The following HID1 variants were observed in gnomAD, a reference collection of about 807,000 sequenced individuals.
HID1 encodes the protein protein HID1.
A neutral mutation model predicts 89.7 loss-of-function variants in HID1; 42 were observed. The ratio of observed to expected loss-of-function variants is 0.47; its 90% CI spans 0.37 to 0.61. The LOEUF is 0.61. HID1 is among the 20% of genes least tolerant of loss of function. The pLI is 0.00. For synonymous variants in HID1, 442 were observed against 433.8 expected, an observed-to-expected ratio of 1.02 and a Z score of -0.24; for missense variants, 854 against 1,039.3, an observed-to-expected ratio of 0.82 and a Z score of 2.45.
At position 74,962,248 on chromosome 17, in the gene HID1, G is replaced by A. The variant is rs773826630; in HGVS notation, c.597C>T (p.Ile199=). Residue 199 remains isoleucine (I), a synonymous_variant, in exon 5 of 19, where the codon ATC becomes ATT. Transcript: ENST00000425042. The surrounding 1 kb of genome is among the most constrained non-coding windows in gnomAD (Gnocchi z 4.3). ...GCGAAGCTCACCGGTTCATATCGTGGATGTAGTTAGGCTGGGGGGAGTGAG... is the reference window on the plus strand; with the variant it reads ...GCGAAGCTCACCGGTTCATATCGTGAATGTAGTTAGGCTGGGGGGAGTGAG... ...GFAHSPQPNY[I]HDMNRMELLK... The A allele has an allele frequency of 6.2e-7, 1 of 1,609,034 alleles. No homozygotes were observed. Among genetic ancestry groups the A allele is most frequent in the African/African-American group, 1.3e-5 (1 of 74,972 alleles).
chr17:74,968,232 C>T (rs533743343), intron 1 of HID1, among the ~76,000 whole-genome samples: 19 of 143,442 alleles, frequency 1.3e-4, no homozygotes, highest in Admixed American at 2.8e-4. Flanking sequence ...TGCGTTGTTC[C>T]TGCCTCCACA....
intron 13 of HID1, 185 bp from the exon 14 acceptor site, chr17:74,954,550 C>T (rs927153977): frequency 3.9e-5 from 39 of 1,002,844 alleles, no homozygotes; most frequent in Non-Finnish European, 5.5e-5. Context: ...TGTGTGCCCA[C>T]TATGGCTATC....
intron 14 of HID1, 140 bp downstream of exon 14, chr17:74,953,998 C>A (rs1292432283): frequency 1.2e-6 from 1 of 836,058 alleles, no homozygotes; most frequent in Non-Finnish European, 1.9e-6. Flanking sequence ...CTCCCCCCAT[C>A]CCTGTTGCCC....
chr17:74,953,565 C>T lies in HID1; in HGVS notation c.1951G>A (p.Asp651Asn), dbSNP rs1235179653. The stretch of plus-strand genomic sequence containing the variant: ...CCCACCCCCTTAGCCGGGCTGCCAT[C>T]CTCCAAGCTCTGCTGGGGCTCAGGT... ...LEPEPQQSLEDGSPAKGEPSQ... is the reference protein window; with the variant it reads ...LEPEPQQSLENGSPAKGEPSQ... The change falls in exon 15 of 19, where the codon GAT becomes AAT. Residue 651 changes from aspartate to asparagine, a missense_variant. Coordinates refer to ENST00000425042, the MANE Select transcript of HID1 (RefSeq NM_030630.3). The T allele has an allele frequency of 6.2e-7, 1 of 1,613,990 alleles. No homozygotes were observed. The highest frequency in any genetic ancestry group is 8.5e-7 in the Non-Finnish European group (1 of 1,179,938).
At chr17:74,971,791 TG>T (rs575062309) in intron 1 of HID1, among the ~76,000 whole-genome samples, 34 of 152,336 alleles carry the variant, frequency 2.2e-4, no homozygotes, top group African/African-American at 7.5e-4. Flanking sequence ...TTGGGCCACT[TG>T]TGGACTCACA....
chr17:74,969,991 A>T (rs2039622373), intron 1 of HID1, among the ~76,000 whole-genome samples: 2 of 137,374 alleles, frequency 1.5e-5, no homozygotes, highest in South Asian at 4.4e-4. Context: ...ATCTCAGCTC[A>T]CCGCAACCTC....
chr17:74,952,473 C>T, intron 16 of HID1, 113 bp from the exon 17 acceptor site: 3 of 710,044 alleles, frequency 4.2e-6, no homozygotes, highest in Non-Finnish European at 7.4e-6. Flanking sequence ...ACCCCTGCTC[C>T]TTGCAGCATG....
At position 74,964,526 on chromosome 17, in the gene HID1, A is replaced by G. The variant is rs772620394; in HGVS notation, c.173T>C (p.Val58Ala). Residue 58 changes from valine to alanine, a missense_variant, in exon 2 of 19, where the codon GTG (valine) becomes GCG (alanine). Coordinates refer to ENST00000425042, the MANE Select transcript of HID1 (RefSeq NM_030630.3). Reference sequence around the variant, plus strand: ...CAAGTTGGAGGGTGACTCTTCCCGCACGGCCCGGATCTCTGCTGCCGGCAC... The same window carrying G: ...CAAGTTGGAGGGTGACTCTTCCCGCGCGGCCCGGATCTCTGCTGCCGGCAC... ...ALVPAAEIRAVREESPSNLAT... is the reference protein window; with the variant it reads ...ALVPAAEIRAAREESPSNLAT... 6.2e-7 allele frequency: 1 copy of G among 1,610,088 alleles called. No individual in the cohort carries two copies. The highest frequency in any genetic ancestry group is 2.2e-5 in the East Asian group (1 of 44,792).
intron 1 of HID1, among the ~76,000 whole-genome samples, chr17:74,970,458 A>G (rs1353346505): frequency 6.6e-6 from 1 of 152,226 alleles, no homozygotes; most frequent in Non-Finnish European, 1.5e-5. Context: ...AGAGAATTCC[A>G]AACAGGCAGG....
intron 13 of HID1, chr17:74,954,772 C>T (rs1007026552): frequency 7.8e-6 from 2 of 254,974 alleles, no homozygotes; most frequent in Non-Finnish European, 1.5e-5. Context: ...ATCCGTCCAT[C>T]CCCCAACGCT....
Position 74,963,580 on chromosome 17 carries a change from G to T in HID1, c.387+160C>A, listed in dbSNP as rs2144819815. 10 of 672,826 alleles carry T rather than the reference G, an allele frequency of 1.5e-5. No homozygotes were observed. The South Asian group carries it at 1.9e-4, about 13-fold the overall frequency. 41.7% of individuals were successfully genotyped at this position (672,826 alleles called of 1,614,324 possible). A position where few individuals can be genotyped will look rare whatever the true frequency, so the allele number is the denominator to read the frequency against. On this transcript the variant is annotated intron_variant, in intron 3 of 18. Coordinates refer to ENST00000425042, the MANE Select transcript of HID1 (RefSeq NM_030630.3). ...ATGGGAGGGGAACTGAGGGCCCAAG[G>T]AGGTGGCATTGAACACCATCCCTCA...
At position 74,952,335 on chromosome 17, in the gene HID1, G is replaced by A. The variant is rs1331934260; in HGVS notation, c.2078C>T (p.Pro693Leu). The change falls in exon 17 of 19, where the codon CCG (proline) becomes CTG (leucine). Residue 693 changes from proline to leucine, a missense_variant. Coordinates refer to ENST00000425042, the MANE Select transcript of HID1 (RefSeq NM_030630.3). ...CAGCAGCCTCATGATGGTCTGCAGC[G>A]GCAGCTTCGACTTCCAGGAGAGGAC... ...EWVLSWKSKL[P>L]LQTIMRLLQV... 6.2e-7 allele frequency: 1 copy of A among 1,613,808 alleles called. No individual in the cohort carries two copies. The highest frequency in any genetic ancestry group is 1.7e-5 in the Admixed American group (1 of 60,010).
Position 74,952,376 on chromosome 17 carries a change from G to T in HID1, c.2053-16C>A. The T allele has an allele frequency of 6.2e-7, 1 of 1,608,686 alleles. No homozygotes were observed. The highest frequency in any genetic ancestry group is 8.5e-7 in the Non-Finnish European group (1 of 1,175,604). ...AGGAGAGGACCTGGCGAGGGACGGG[G>T]TTCCTGGGGCTGAGAAAGCAGCCCC... On this transcript the variant is annotated splice_polypyrimidine_tract_variant and intron_variant, in intron 16 of 18. Transcript: ENST00000425042.
intron 13 of HID1, among the ~76,000 whole-genome samples, chr17:74,955,503 A>G (rs868242174): frequency 1.5e-4 from 2 of 13,164 alleles, no homozygotes; most frequent in Non-Finnish European, 2.7e-3. Context: ...GCCGTCGGGA[A>G]AAAAAAAAAA....
At position 74,958,159 on chromosome 17, in the gene HID1, G is replaced by A; in HGVS notation, c.1453C>T (p.Leu485Phe). The change falls in exon 12 of 19, where the codon CTC becomes TTC. Residue 485 changes from leucine (L) to phenylalanine (F), a missense_variant. Transcript: ENST00000425042. This position sits in a 1 kb window ranked among gnomAD's most constrained non-coding sequence, Gnocchi z 5.2. ...QRLQPLFDCL[L>F]TIVVNVSPYL... ...CCCCTACCGTTGACCACGATGGTGAGCAGGCAGTCGAAGAGGGGCTGCAAC... is the reference window on the plus strand; with the variant it reads ...CCCCTACCGTTGACCACGATGGTGAACAGGCAGTCGAAGAGGGGCTGCAAC... 1 of 1,609,952 alleles carries A rather than the reference G, an allele frequency of 6.2e-7. No individual in the cohort carries two copies.
At chr17:74,966,058 G>A (rs1006755265) in intron 1 of HID1, among the ~76,000 whole-genome samples, 8 of 151,814 alleles carry the variant, frequency 5.3e-5, no homozygotes, top group Non-Finnish European at 8.8e-5. Context: ...AGACTGAGGC[G>A]GGTGGATCAC....
At chr17:74,953,518 C>T (rs2039339345) in intron 15 of HID1, 27 bp downstream of exon 15, 1 of 1,597,352 alleles carries the variant, frequency 6.3e-7, no homozygotes, top group Admixed American at 1.7e-5. Context: ...CCAGCCACGC[C>T]CGGCTCCAGG....
chr17:74,972,591 C>A lies in HID1; in HGVS notation c.66G>T (p.Gln22His). The A allele has an allele frequency of 6.5e-7, 1 of 1,547,748 alleles. No individual in the cohort carries two copies. The highest frequency in any genetic ancestry group is 8.7e-7 in the Non-Finnish European group (1 of 1,145,142). ...GGACGCCGGGGCCCCCGTGGCGCAC[C>A]TGCGTCTTGGTGGTGAGCTGGATCA... ...KAVIQLTTKT[Q>H]PVEATDDAFW... The change falls in exon 1 of 19, where the codon CAG becomes CAT. Residue 22 changes from glutamine to histidine, a missense_variant and splice_region_variant. Physicochemically the swap from Gln to His is conservative, Grantham distance 24. Coordinates refer to ENST00000425042, the MANE Select transcript of HID1 (RefSeq NM_030630.3). This position sits in a 1 kb window ranked among gnomAD's most constrained non-coding sequence, Gnocchi z 6.4.
rs777147231 is a variant in HID1 at position 74,964,531 on chromosome 17, C to T, written c.168G>A (p.Arg56=). Residue 56 remains arginine, a synonymous_variant, in exon 2 of 19, where the codon CGG becomes CGA. Coordinates refer to ENST00000425042, the MANE Select transcript of HID1 (RefSeq NM_030630.3). ...TGGAGGGTGACTCTTCCCGCACGGC[C>T]CGGATCTCTGCTGCCGGCACCAGTG... ...VFALVPAAEI[R]AVREESPSNL... is the part of the protein sequence containing the mutation. 1.2e-6 allele frequency: 2 copies of T among 1,610,170 alleles called. No homozygotes were observed. Among genetic ancestry groups the T allele is most frequent in the Admixed American group, 3.4e-5 (2 of 59,498 alleles).
Sources: allele counts gnomAD v4.1 joint callset (sites outside exome capture counted in the v4.1 genomes callset), GRCh38; gene constraint gnomAD v4.1.1; non-coding constraint Gnocchi (gnomAD v3.1); transcripts MANE v1.5; gene names NCBI Gene and HGNC (gene_info 2026-07-23, HGNC 2026-07-21).